SKAP1: variants seen among roughly 807,000 people sequenced by gnomAD.
SKAP1 encodes the protein src kinase-associated phosphoprotein 1.
A neutral mutation model predicts 58.5 loss-of-function variants in SKAP1; 44 were observed. That is an observed-to-expected ratio of 0.75 (90% CI 0.59 to 0.97). SKAP1 has a LOEUF of 0.97. Among genes scored for constraint, SKAP1 ranks in the 50% least tolerant of loss-of-function variants. SKAP1 has a pLI of 0.00. For synonymous variants in SKAP1, 127 were observed against 149.7 expected, an observed-to-expected ratio of 0.85 and a Z score of 1.11; for missense variants, 390 against 435.2, an observed-to-expected ratio of 0.90 and a Z score of 0.92.
chr17:48,185,866 T>A (rs959933437), intron 6 of SKAP1: 1 of 152,258 alleles, frequency 6.6e-6, no homozygotes, highest in Admixed American at 6.5e-5. Context: ...GACACCAGAA[T>A]CTTTTTTGTT....
chr17:48,384,501 C>T (rs1231071288), intron 2 of SKAP1, among the ~76,000 whole-genome samples: 3 of 152,110 alleles, frequency 2.0e-5, no homozygotes, highest in Non-Finnish European at 4.4e-5. Context: ...CAGGGCCCAA[C>T]GATGACATGA....
intron 4 of SKAP1, among the ~76,000 whole-genome samples, chr17:48,314,712 A>G (rs1021559035): frequency 1.4e-4 from 21 of 152,176 alleles, no homozygotes; most frequent in African/African-American, 5.1e-4. Context: ...AGGCAGGTAA[A>G]ATCTGCTATG....
At chr17:48,396,931 A>T (rs914165628) in intron 1 of SKAP1, 146 bp from the exon 2 acceptor site, 62 of 459,032 alleles carry the variant, frequency 1.4e-4, no homozygotes, top group African/African-American at 1.1e-3. Context: ...GTATAATAAA[A>T]AAAAAAAAAC....
intron 4 of SKAP1, among the ~76,000 whole-genome samples, chr17:48,337,317 A>G (rs1246350564): frequency 6.6e-6 from 1 of 152,212 alleles, no homozygotes; most frequent in African/African-American, 2.4e-5. Flanking sequence ...GCATTGTGTT[A>G]AATAGTGTTA....
intron 4 of SKAP1, among the ~76,000 whole-genome samples, chr17:48,242,024 C>T (rs1411092041): frequency 6.6e-6 from 1 of 152,178 alleles, no homozygotes; most frequent in Non-Finnish European, 1.5e-5. Flanking sequence ...TGAGTTAAGA[C>T]AGCATTTCCT....
At chr17:48,225,023 G>A (rs1257063895) in intron 4 of SKAP1, among the ~76,000 whole-genome samples, 1 of 152,174 alleles carries the variant, frequency 6.6e-6, no homozygotes, top group African/African-American at 2.4e-5. Context: ...AATAACTATA[G>A]GGGGCAGAAA....
At chr17:48,363,748 C>T (rs746325314) in intron 3 of SKAP1, 41 bp downstream of exon 3, 2 of 1,549,468 alleles carry the variant, frequency 1.3e-6, no homozygotes, top group Non-Finnish European at 8.8e-7. Context: ...CCCATTTACA[C>T]ATTTTTAGCA....
At chr17:48,209,365 A>G (rs2064845118) in intron 4 of SKAP1, among the ~76,000 whole-genome samples, 1 of 152,170 alleles carries the variant, frequency 6.6e-6, no homozygotes, top group African/African-American at 2.4e-5. Context: ...CAGAGTCTGG[A>G]AGGATAGGAT....
At chr17:48,151,886 G>A (rs1284086712) in intron 11 of SKAP1, among the ~76,000 whole-genome samples, 2 of 152,144 alleles carry the variant, frequency 1.3e-5, no homozygotes, top group Non-Finnish European at 2.9e-5. Context: ...TGAAACTGGA[G>A]AGGGTGTTAC....
intron 2 of SKAP1, among the ~76,000 whole-genome samples, chr17:48,393,023 T>C (rs891274380): frequency 6.6e-6 from 1 of 152,186 alleles, no homozygotes; most frequent in Non-Finnish European, 1.5e-5. Context: ...TCACAACTGC[T>C]TCATTCCAGG....
chr17:48,442,527 T>C, the SKAP1 span, among the ~76,000 whole-genome samples: 1 of 152,166 alleles, frequency 6.6e-6, no homozygotes, highest in South Asian at 2.1e-4. Context: ...GGATGTGAAA[T>C]GTGCAGGGTG....
intron 1 of SKAP1, among the ~76,000 whole-genome samples, chr17:48,425,469 T>C (rs761407770): frequency 5.3e-5 from 8 of 152,234 alleles, no homozygotes; most frequent in Non-Finnish European, 1.0e-4. Flanking sequence ...TTAGCATTAT[T>C]ACTTTTATAA....
intron 4 of SKAP1, among the ~76,000 whole-genome samples, chr17:48,300,510 C>T (rs2066043501): frequency 1.3e-5 from 2 of 152,138 alleles, no homozygotes; most frequent in Admixed American, 1.3e-4. Flanking sequence ...AAGGGATAGA[C>T]AGCTCAGTGT....
intron 4 of SKAP1, among the ~76,000 whole-genome samples, chr17:48,324,699 A>G (rs1451004922): frequency 6.6e-6 from 1 of 152,100 alleles, no homozygotes; most frequent in Non-Finnish European, 1.5e-5. Flanking sequence ...GTAAACATCT[A>G]CAATGAACAT....
intron 3 of SKAP1, among the ~76,000 whole-genome samples, chr17:48,351,019 A>G (rs2066793748): frequency 6.6e-6 from 1 of 152,200 alleles, no homozygotes; most frequent in Non-Finnish European, 1.5e-5. Flanking sequence ...GGCCAATTTA[A>G]TAGTAATACA....
At chr17:48,325,247 TCAAAAAAAAA>T (rs2066420727) in intron 4 of SKAP1, among the ~76,000 whole-genome samples, 1 of 39,916 alleles carries the variant, frequency 2.5e-5, no homozygotes, top group African/African-American at 1.4e-4. Context: ...AGACTCCGTC[TCAAAAAAAAA>T]AAAAAAAAAA....
At chr17:48,380,339 ATGT>A (rs1184378034) in intron 2 of SKAP1, 1 of 152,204 alleles carries the variant, frequency 6.6e-6, no homozygotes, top group Non-Finnish European at 1.5e-5. Context: ...TCAGGCTGAA[ATGT>A]TGTCAGCTAC....
intron 4 of SKAP1, among the ~76,000 whole-genome samples, chr17:48,280,583 A>G (rs555614833): frequency 1.6e-4 from 25 of 152,358 alleles, no homozygotes; most frequent in African/African-American, 6.0e-4. Context: ...ATATACATAT[A>G]TATATAGTAG....
chr17:48,368,912 T>G (rs924603059), intron 2 of SKAP1, among the ~76,000 whole-genome samples: 1 of 152,186 alleles, frequency 6.6e-6, no homozygotes, highest in Non-Finnish European at 1.5e-5. Context: ...CTTGCGCCTG[T>G]AATCCCAGCA....
Sources: allele counts gnomAD v4.1 joint callset (sites outside exome capture counted in the v4.1 genomes callset), GRCh38; gene constraint gnomAD v4.1.1; transcripts MANE v1.5; gene names NCBI Gene and HGNC (gene_info 2026-07-23, HGNC 2026-07-21).